Variants in STK32A observed in about 807,000 individuals in gnomAD.
STK32A encodes the protein serine/threonine-protein kinase 32A.
In STK32A, 41 loss-of-function variants were observed where a neutral mutation model predicts 53.2. The ratio of observed to expected loss-of-function variants is 0.77; its 90% CI spans 0.60 to 1.00. The LOEUF (loss-of-function observed/expected upper bound fraction) is 1.00. Among genes scored for constraint, STK32A ranks in the 50% least tolerant of loss-of-function variants. The pLI, the probability that STK32A is intolerant of heterozygous loss-of-function variation, is 0.00. For missense variants in STK32A, 458 were observed against 485.8 expected, an observed-to-expected ratio of 0.94 and a Z score of 0.54; for synonymous variants, 166 against 162.8, an observed-to-expected ratio of 1.02 and a Z score of -0.15.
At chr5:147,237,038 C>A (rs1753351820) in intron 1 of STK32A, among the ~76,000 whole-genome samples, 1 of 152,154 alleles carries the variant, frequency 6.6e-6, no homozygotes. Context: ...CCCGGCCAGG[C>A]ACGGTGGCTC....
chr5:147,308,727 G>GT (rs35290735), intron 4 of STK32A, among the ~76,000 whole-genome samples: 2,154 of 144,276 alleles, frequency 0.015, 41 homozygotes, highest in Non-Finnish European at 0.021. Flanking sequence ...GTCACTAGAA[G>GT]TTTTTTTTTT....
At chr5:147,323,747 G>A (rs996956064) in intron 4 of STK32A, 151 bp from the exon 5 acceptor site, 1 of 601,546 alleles carries the variant, frequency 1.7e-6, no homozygotes, top group South Asian at 2.2e-5. Context: ...AAAGGCCTAA[G>A]GTGATAGAGC....
At chr5:147,336,012 C>T (rs1755101648) in intron 5 of STK32A, among the ~76,000 whole-genome samples, 1 of 152,130 alleles carries the variant, frequency 6.6e-6, no homozygotes, top group Admixed American at 6.5e-5. Context: ...ACTCTTAAAC[C>T]TCCACTATCT....
At chr5:147,249,810 G>A (rs138263140) in intron 2 of STK32A, among the ~76,000 whole-genome samples, 133 of 150,634 alleles carry the variant, frequency 8.8e-4, no homozygotes, top group African/African-American at 3.1e-3. Flanking sequence ...CTACTCAGGA[G>A]GCTGAGGCAG....
At chr5:147,238,389 G>C (rs988761270) in intron 1 of STK32A, among the ~76,000 whole-genome samples, 3 of 152,136 alleles carry the variant, frequency 2.0e-5, no homozygotes, top group African/African-American at 7.2e-5. Context: ...TCCTGAGGTA[G>C]ACACTGTCAT....
chr5:147,397,789 G>A, the STK32A span: 3 of 1,614,088 alleles, frequency 1.9e-6, no homozygotes, highest in Non-Finnish European at 2.5e-6. Flanking sequence ...CCTGGCAGAT[G>A]ACAACCAGAG....
At chr5:147,311,439 G>A (rs1346855877) in intron 4 of STK32A, among the ~76,000 whole-genome samples, 1 of 152,156 alleles carries the variant, frequency 6.6e-6, no homozygotes, top group Non-Finnish European at 1.5e-5. Flanking sequence ...AGGGGTTGCT[G>A]ATGGTTAGAA....
In STK32A at chr5:147,384,697, G is replaced by T. The variant is rs781060377; in HGVS notation, c.*714G>T. ...ACACCACGGAAACTGGTAAATGCTC[G>T]TTTTTTCCCTCCTAACAAGTGAATT... On this transcript the variant is annotated 3_prime_UTR_variant, in exon 13 of 13. Transcript: ENST00000397936. 9.9e-5 allele frequency: 38 copies of T among 382,594 alleles called. No homozygotes were observed. The highest frequency in any genetic ancestry group is 4.1e-5 in the East Asian group (1 of 24,126). 23.7% of individuals were successfully genotyped at this position (382,594 alleles called of 1,614,324 possible). A position where few individuals can be genotyped will look rare whatever the true frequency, so the allele number is the denominator to read the frequency against.
At chr5:147,282,851 A>G (rs1752127138) in intron 4 of STK32A, among the ~76,000 whole-genome samples, 1 of 152,218 alleles carries the variant, frequency 6.6e-6, no homozygotes, top group South Asian at 2.1e-4. Flanking sequence ...ATAGTGAAGG[A>G]TTTTAATACT....
Position 147,356,597 on chromosome 5 carries a change from C to G in STK32A, c.563-4920C>G, listed in dbSNP as rs1216495937. 4.6e-5 allele frequency among the ~76,000 whole-genome samples: 7 copies of G among 152,048 alleles called. No homozygotes were observed. The East Asian group carries it at 1.4e-3, about 29-fold the overall frequency. ...ACATGCCTCTGCTAAAATAGAAACC[C>G]ACTTCTCTTAATCAATTTTTTATTG... On this transcript the variant is annotated intron_variant, in intron 7 of 12. Transcript: ENST00000397936.
chr5:147,235,960 C>A (rs1356273799), intron 1 of STK32A, among the ~76,000 whole-genome samples: 2 of 151,928 alleles, frequency 1.3e-5, no homozygotes, highest in African/African-American at 2.4e-5. Context: ...ATGTTTTTGC[C>A]CCCTATTTTT....
intron 4 of STK32A, among the ~76,000 whole-genome samples, chr5:147,314,527 C>G (rs7448644): frequency 7.7e-4 from 15 of 19,402 alleles, no homozygotes; most frequent in African/African-American, 2.5e-3. Context: ...CAAAAAAAAA[C>G]AAAAAAAAAA....
At position 147,371,346 on chromosome 5, in the gene STK32A, C is replaced by A. The variant is rs1169319471; in HGVS notation, c.777+576C>A. ...AAAATAATTTTGTGGTACAAAAGTT[C>A]AAAATACCTCTCAAGCCTTGTTTTG... On this transcript the variant is annotated intron_variant, in intron 9 of 12. Transcript: ENST00000397936. Among the ~76,000 whole-genome samples the A allele has an allele frequency of 2.0e-5, 3 of 152,252 alleles. No individual in the cohort carries two copies. In the East Asian group the frequency reaches 5.8e-4, roughly 29 times the overall value.
chr5:147,335,459 A>G (rs1346869125), intron 5 of STK32A, among the ~76,000 whole-genome samples: 1 of 152,098 alleles, frequency 6.6e-6, no homozygotes, highest in Non-Finnish European at 1.5e-5. Context: ...TCTCTTTTCC[A>G]TGTGGCCACT....
At position 147,268,851 on chromosome 5, in the gene STK32A, G is replaced by T. The variant is rs116273297; in HGVS notation, c.53-9273G>T. On this transcript the variant is annotated intron_variant, in intron 2 of 12. Coordinates refer to ENST00000397936, the MANE Select transcript of STK32A (RefSeq NM_001112724.2). Reference sequence around the variant, plus strand: ...GATGGGATCTGAGTTGTGAGAGAGGGTCTGTGAAAAATGAAAGACCTGCAT... The same window carrying T: ...GATGGGATCTGAGTTGTGAGAGAGGTTCTGTGAAAAATGAAAGACCTGCAT... Among the ~76,000 whole-genome samples, 637 of 152,304 alleles carry T rather than the reference G, an allele frequency of 4.2e-3. 1 individual carries two copies. Among genetic ancestry groups the T allele is most frequent in the African/African-American group, 1.0e-2 (415 of 41,564 alleles).
At chr5:147,335,709 T>C (rs144821366) in intron 5 of STK32A, among the ~76,000 whole-genome samples, 2,183 of 152,288 alleles carry the variant, frequency 0.014, 38 homozygotes, top group Non-Finnish European at 0.02. Flanking sequence ...TAACTCCTAC[T>C]TAGGCCTGAC....
intron 4 of STK32A, among the ~76,000 whole-genome samples, chr5:147,303,886 G>A (rs1250974679): frequency 2.0e-5 from 3 of 152,176 alleles, no homozygotes; most frequent in Admixed American, 2.0e-4. Context: ...CGCAGTAATT[G>A]TTCCACCTAG....
chr5:147,365,698 C>A (rs1463187278), intron 8 of STK32A, among the ~76,000 whole-genome samples: 1 of 152,092 alleles, frequency 6.6e-6, no homozygotes, highest in African/African-American at 2.4e-5. Context: ...TTGCTAGCTG[C>A]TTCTGGGGTT....
chr5:147,237,274 C>T (rs1180965807), intron 1 of STK32A, among the ~76,000 whole-genome samples: 1 of 151,904 alleles, frequency 6.6e-6, no homozygotes, highest in Non-Finnish European at 1.5e-5. Flanking sequence ...GATGGTGCCA[C>T]TGCACTCCAG....
Sources: allele counts gnomAD v4.1 joint callset (sites outside exome capture counted in the v4.1 genomes callset), GRCh38; gene constraint gnomAD v4.1.1; transcripts MANE v1.5; gene names NCBI Gene and HGNC (gene_info 2026-07-23, HGNC 2026-07-21).